SCAI: variants seen among roughly 807,000 people sequenced by gnomAD.
SCAI encodes suppressor of cancer cell invasion.
In SCAI, 24 loss-of-function variants were observed where a neutral mutation model predicts 92.2. That is an observed-to-expected ratio of 0.26 (90% CI 0.19 to 0.37). The LOEUF is 0.37. Ranked by LOEUF, SCAI falls within the 10% of genes least tolerant of loss-of-function variation. The pLI is 1.00. For missense variants in SCAI, 450 were observed against 736.2 expected, an observed-to-expected ratio of 0.61 and a Z score of 4.50; for synonymous variants, 261 against 258.6, an observed-to-expected ratio of 1.01 and a Z score of -0.09.
At chr9:125,009,428 C>A (rs1832584830) in intron 9 of SCAI, among the ~76,000 whole-genome samples, 1 of 152,040 alleles carries the variant, frequency 6.6e-6, no homozygotes, top group Non-Finnish European at 1.5e-5. Context: ...TGCCATCATG[C>A]CTGACTAATT....
In SCAI at chr9:125,113,269, G is replaced by A. The variant is rs1449802139; in HGVS notation, c.98+29364C>T. Among the ~76,000 whole-genome samples the A allele has an allele frequency of 2.0e-5, 3 of 152,170 alleles. No homozygotes were observed. In the East Asian group the frequency reaches 5.8e-4, roughly 29 times the overall value. ...GCATGTACCCTTGATACAATGTGAT[G>A]AGAAATGCATTTTACCTGTGATTTT... On this transcript the variant is annotated intron_variant, in intron 2 of 17. Coordinates refer to ENST00000336505, the MANE Select transcript of SCAI (RefSeq NM_001144877.3).
At chr9:124,979,398 G>T (rs1428777754) in intron 14 of SCAI, among the ~76,000 whole-genome samples, 1 of 151,508 alleles carries the variant, frequency 6.6e-6, no homozygotes, top group Non-Finnish European at 1.5e-5. Flanking sequence ...AAATTAGCCG[G>T]GCATGGTGGC....
chr9:124,975,173 CT>C, intron 15 of SCAI: 3 of 352,692 alleles, frequency 8.5e-6, no homozygotes, highest in Non-Finnish European at 1.7e-5. Context: ...AGTTCTATCC[CT>C]TAGTAATTTT....
At chr9:125,094,513 T>G (rs904684243) in intron 2 of SCAI, among the ~76,000 whole-genome samples, 6 of 152,210 alleles carry the variant, frequency 3.9e-5, no homozygotes, top group Non-Finnish European at 7.3e-5. Context: ...TATACTTATT[T>G]ATCTTTGAGA....
Position 124,975,796 on chromosome 9 carries a change from A to C in SCAI, c.1399+318T>G, listed in dbSNP as rs185666684. On this transcript the variant is annotated intron_variant, in intron 15 of 17. Transcript: ENST00000336505. ...CAAAGGTATAGGAAAACCATGCTATATGGATATGACCAGCAAATCAAAACA... is the reference window on the plus strand; with the variant it reads ...CAAAGGTATAGGAAAACCATGCTATCTGGATATGACCAGCAAATCAAAACA... 3.9e-5 allele frequency among the ~76,000 whole-genome samples: 6 copies of C among 152,348 alleles called. No homozygotes were observed. The East Asian group carries it at 9.6e-4, about 24-fold the overall frequency.
intron 2 of SCAI, among the ~76,000 whole-genome samples, chr9:125,110,278 T>A (rs1052326650): frequency 7.2e-5 from 11 of 152,146 alleles, no homozygotes; most frequent in African/African-American, 2.7e-4. Flanking sequence ...ACCTAAACAA[T>A]CCTATATCTG....
chr9:125,071,737 G>A (rs1833982608), intron 2 of SCAI, among the ~76,000 whole-genome samples: 1 of 152,042 alleles, frequency 6.6e-6, no homozygotes, highest in Non-Finnish European at 1.5e-5. Context: ...GGGAAAAAAG[G>A]CAGGAAAAAA....
chr9:125,055,780 T>G, intron 3 of SCAI, 96 bp downstream of exon 3: 5 of 902,914 alleles, frequency 5.5e-6, no homozygotes, highest in Non-Finnish European at 8.3e-6. Context: ...TTATATGACA[T>G]TCTACCCATA....
At chr9:125,000,247 C>T (rs1832328154) in intron 12 of SCAI, among the ~76,000 whole-genome samples, 1 of 152,098 alleles carries the variant, frequency 6.6e-6, no homozygotes, top group African/African-American at 2.4e-5. Flanking sequence ...CAAAACAAGA[C>T]TCTATGGCAT....
intron 14 of SCAI, among the ~76,000 whole-genome samples, chr9:124,978,295 G>A (rs1831803654): frequency 6.6e-6 from 1 of 152,132 alleles, no homozygotes. Flanking sequence ...ACAAAAATTA[G>A]CTGGGCGTGG....
intron 2 of SCAI, among the ~76,000 whole-genome samples, chr9:125,062,943 C>G (rs1197833665): frequency 2.7e-5 from 4 of 146,642 alleles, no homozygotes; most frequent in African/African-American, 5.1e-5. Context: ...TCACTTGAAC[C>G]AGGGAGTAGG....
intron 9 of SCAI, among the ~76,000 whole-genome samples, chr9:125,009,557 G>A (rs62582240): frequency 0.22 from 33,277 of 151,864 alleles, 4,081 homozygotes; most frequent in African/African-American, 0.3. Flanking sequence ...CATGCCCAAA[G>A]GCATGAGTCA....
chr9:125,087,766 C>G (rs1278216614), intron 2 of SCAI, among the ~76,000 whole-genome samples: 1 of 152,002 alleles, frequency 6.6e-6, no homozygotes, highest in African/African-American at 2.4e-5. Context: ...GATAATGAAT[C>G]AGGGAAACTG....
chr9:125,005,618 A>T (rs1241032804), intron 9 of SCAI, among the ~76,000 whole-genome samples: 1 of 152,222 alleles, frequency 6.6e-6, no homozygotes, highest in Non-Finnish European at 1.5e-5. Context: ...GGCATGAGCC[A>T]CTGCGCCCAG....
At chr9:125,039,532 C>T (rs1446511975) in intron 3 of SCAI, among the ~76,000 whole-genome samples, 1 of 152,142 alleles carries the variant, frequency 6.6e-6, no homozygotes, top group African/African-American at 2.4e-5. Context: ...TAACAAGCCA[C>T]TTCAAAACTT....
At chr9:125,001,033 A>G (rs1832349214) in intron 12 of SCAI, among the ~76,000 whole-genome samples, 1 of 152,214 alleles carries the variant, frequency 6.6e-6, no homozygotes, top group African/African-American at 2.4e-5. Context: ...TTAACAGTAT[A>G]TGAGACATAC....
At chr9:125,107,710 G>A (rs946061465) in intron 2 of SCAI, among the ~76,000 whole-genome samples, 2 of 152,230 alleles carry the variant, frequency 1.3e-5, no homozygotes, top group South Asian at 2.1e-4. Flanking sequence ...CCTGGCTGCA[G>A]TGAGTTATGA....
chr9:125,081,543 G>A (rs1040057933), intron 2 of SCAI, among the ~76,000 whole-genome samples: 2 of 152,196 alleles, frequency 1.3e-5, no homozygotes, highest in Non-Finnish European at 2.9e-5. Context: ...CATTCAAGAG[G>A]TGACCTGGGT....
chr9:125,139,418 A>C (rs1835614525), intron 2 of SCAI, among the ~76,000 whole-genome samples: 1 of 152,142 alleles, frequency 6.6e-6, no homozygotes, highest in South Asian at 2.1e-4. Flanking sequence ...AAACAACAAC[A>C]ACAACAACAA....
Sources: gnomAD v4.1 joint callset for allele counts (sites outside exome capture counted in the v4.1 genomes callset) on GRCh38, gnomAD v4.1.1 for gene constraint, MANE v1.5 for transcripts, NCBI Gene and HGNC (gene_info 2026-07-23, HGNC 2026-07-21) for gene names.